The following SUDS3 variants were observed in gnomAD, a reference collection of about 807,000 sequenced individuals.
SUDS3 encodes SIN3A corepressor complex component SDS3, also known as sin3 histone deacetylase corepressor complex component SDS3.
SUDS3 carries 23 observed loss-of-function variants against 53.5 expected under a neutral mutation model. The ratio of observed to expected loss-of-function variants is 0.43; its 90% CI spans 0.31 to 0.61. The LOEUF (loss-of-function observed/expected upper bound fraction) is 0.61, where lower values mean the gene tolerates loss of function less well. SUDS3 is among the 20% of genes least tolerant of loss of function. The pLI, the probability that SUDS3 is intolerant of heterozygous loss-of-function variation, is 0.10. For synonymous variants in SUDS3, 150 were observed against 148.5 expected (o/e 1.01, Z -0.08); for missense variants, 291 against 405.9 (o/e 0.72, Z 2.43).
At chr12:118,396,234 G>T (rs1204387589) in intron 6 of SUDS3, among the ~76,000 whole-genome samples, 1 of 152,096 alleles carries the variant, frequency 6.6e-6, no homozygotes, top group Non-Finnish European at 1.5e-5. Context: ...TCTTTTTAAA[G>T]AAAATTTCCT....
chr12:118,398,010 A>C (rs2046231046), intron 6 of SUDS3, among the ~76,000 whole-genome samples: 1 of 152,122 alleles, frequency 6.6e-6, no homozygotes, highest in East Asian at 1.9e-4. Flanking sequence ...TATTTTCCAA[A>C]TTAGGTGTCA....
intron 6 of SUDS3, among the ~76,000 whole-genome samples, chr12:118,393,010 C>A (rs958482874): frequency 1.3e-5 from 2 of 152,154 alleles, no homozygotes; most frequent in South Asian, 4.1e-4. Context: ...AAATAGATTA[C>A]AGAAGTGTTT....
chr12:118,410,018 C>T lies in SUDS3; in HGVS notation c.804-1055C>T, dbSNP rs118040750. Among the ~76,000 whole-genome samples, 21 of 152,364 alleles carry T rather than the reference C, an allele frequency of 1.4e-4. No individual in the cohort carries two copies. In the East Asian group the frequency reaches 3.7e-3, roughly 27 times the overall value. On this transcript the variant is annotated intron_variant, in intron 10 of 11. Transcript: ENST00000543473. The stretch of plus-strand genomic sequence containing the variant: ...ATTCAAAGCAGCTTTCCCAACTGTC[C>T]AGGCCAAATTAGATACCCTTTGGTA...
chr12:118,400,511 T>C lies in SUDS3; in HGVS notation c.518-148T>C. ...AAACGCTTTCTAAAATCTAATGGGGTGTCTGGCTACGACCATGTGTAGAAC... is the reference window on the plus strand; with the variant it reads ...AAACGCTTTCTAAAATCTAATGGGGCGTCTGGCTACGACCATGTGTAGAAC... On this transcript the variant is annotated intron_variant, in intron 6 of 11. Transcript: ENST00000543473. 1.0e-5 allele frequency: 7 copies of C among 677,982 alleles called. 1 individual carries two copies. The South Asian group carries it at 1.1e-4, about 11-fold the overall frequency. 42.0% of individuals were successfully genotyped at this position (677,982 alleles called of 1,614,324 possible). A position where few individuals can be genotyped will look rare whatever the true frequency, so the allele number is the denominator to read the frequency against.
intron 2 of SUDS3, among the ~76,000 whole-genome samples, chr12:118,382,888 G>A (rs1943020635): frequency 6.6e-6 from 1 of 151,394 alleles, no homozygotes; most frequent in Admixed American, 6.6e-5. Context: ...GGTTGGTCTC[G>A]AACTCCTGAC....
At position 118,391,115 on chromosome 12, in the gene SUDS3, C is replaced by T. The variant is rs756017819; in HGVS notation, c.361-11C>T. 3 of 1,611,992 alleles carry T rather than the reference C, an allele frequency of 1.9e-6. No homozygotes were observed. The highest frequency in any genetic ancestry group is 2.2e-5 in the South Asian group (2 of 90,778). ...CTGTGTACTCCCAGCCCGTGTTTCT[C>T]TTTTGCTCAGACTGAACAAGTGGAA... On this transcript the variant is annotated splice_polypyrimidine_tract_variant and intron_variant, in intron 5 of 11. Transcript: ENST00000543473.
At chr12:118,408,067 A>T (rs1014148680) in intron 10 of SUDS3, among the ~76,000 whole-genome samples, 6 of 151,968 alleles carry the variant, frequency 3.9e-5, no homozygotes, top group Non-Finnish European at 8.8e-5. Context: ...CGCCCAGCTA[A>T]TTTTTGTATT....
intron 5 of SUDS3, among the ~76,000 whole-genome samples, chr12:118,390,836 T>C (rs184453190): frequency 6.6e-6 from 1 of 152,362 alleles, no homozygotes; most frequent in Admixed American, 6.5e-5. Context: ...TGTAACTTTA[T>C]GAGCGATTAT....
chr12:118,378,185 G>A (rs2046019964), intron 1 of SUDS3, among the ~76,000 whole-genome samples: 2 of 152,152 alleles, frequency 1.3e-5, no homozygotes, highest in African/African-American at 2.4e-5. Flanking sequence ...TAAGAACAAT[G>A]TTTAAGATGT....
At chr12:118,404,661 C>T (rs1312766802) in intron 10 of SUDS3, among the ~76,000 whole-genome samples, 1 of 152,128 alleles carries the variant, frequency 6.6e-6, no homozygotes, top group Non-Finnish European at 1.5e-5. Flanking sequence ...TCTATTCATT[C>T]TAAGGCATAG....
At chr12:118,401,523 A>G (rs2046262412) in intron 7 of SUDS3, among the ~76,000 whole-genome samples, 1 of 152,240 alleles carries the variant, frequency 6.6e-6, no homozygotes, top group Non-Finnish European at 1.5e-5. Context: ...GTAGATGCCT[A>G]ATGAAGCTCA....
chr12:118,400,738 G>A lies in SUDS3; in HGVS notation c.597G>A (p.Arg199=), dbSNP rs374953856. The change falls in exon 7 of 12, where the codon AGG becomes AGA. Residue 199 remains arginine, a synonymous_variant. Transcript: ENST00000543473. The part of the protein sequence containing the change: ...PNDPVPIPDK[R]RKPAPAQLNY... ...ATCCCGTCCCCATCCCAGACAAGAGGAGGAAACCTGCTCCAGATATCCATT... is the reference window on the plus strand; with the variant it reads ...ATCCCGTCCCCATCCCAGACAAGAGAAGGAAACCTGCTCCAGATATCCATT... 8 of 1,613,846 alleles carry A rather than the reference G, an allele frequency of 5.0e-6. No individual in the cohort carries two copies. In the African/African-American group the frequency reaches 9.3e-5, roughly 19 times the overall value.
chr12:118,376,888 G>C (rs1002881728), intron 1 of SUDS3, 55 bp downstream of exon 1: 36 of 1,465,964 alleles, frequency 2.5e-5, no homozygotes, highest in Non-Finnish European at 3.2e-5. Context: ...CGCTGGGGGA[G>C]GGGGTGGGGC....
intron 2 of SUDS3, among the ~76,000 whole-genome samples, chr12:118,382,548 G>T (rs1415067847): frequency 6.6e-6 from 1 of 151,816 alleles, no homozygotes; most frequent in African/African-American, 2.4e-5. Flanking sequence ...AAAATTTTTA[G>T]TAGAAACTAG....
At chr12:118,407,724 T>G (rs2046320348) in intron 10 of SUDS3, among the ~76,000 whole-genome samples, 1 of 150,798 alleles carries the variant, frequency 6.6e-6, no homozygotes, top group Admixed American at 6.6e-5. Context: ...TTTTTGGTTT[T>G]TTTTTTTTTT....
chr12:118,390,997 C>G (rs1379385372), intron 5 of SUDS3, 129 bp from the exon 6 acceptor site: 1 of 1,055,542 alleles, frequency 9.5e-7, no homozygotes, highest in Admixed American at 1.8e-5. Flanking sequence ...CTCAGACACA[C>G]TGTTACTGCA....
chr12:118,416,773 G>C lies in SUDS3; in HGVS notation c.*2340G>C, dbSNP rs1341434938. 6.6e-6 allele frequency: 1 copy of C among 152,166 alleles called. No homozygotes were observed. Among genetic ancestry groups the C allele is most frequent in the Non-Finnish European group, 1.5e-5 (1 of 68,042 alleles). The allele number at this position is 152,166 out of a possible 1,614,324, so 9.4% of individuals were successfully genotyped here. A position where few individuals can be genotyped will look rare whatever the true frequency, so the allele number is the denominator to read the frequency against. ...TGGTGGGCAGAAGCCTTACTAAAGG[G>C]GAAGACAGACTTTGAAGTTTCTAGA... On this transcript the variant is annotated 3_prime_UTR_variant, in exon 12 of 12. Coordinates refer to ENST00000543473, the MANE Select transcript of SUDS3 (RefSeq NM_022491.3).
intron 6 of SUDS3, 65 bp downstream of exon 6, chr12:118,391,347 A>G: frequency 6.6e-7 from 1 of 1,521,954 alleles, no homozygotes; most frequent in Non-Finnish European, 8.8e-7. Context: ...GGGCTGTTCC[A>G]GTTACTTTTG....
At chr12:118,397,443 C>T (rs1281367638) in intron 6 of SUDS3, among the ~76,000 whole-genome samples, 1 of 152,118 alleles carries the variant, frequency 6.6e-6, no homozygotes, top group African/African-American at 2.4e-5. Flanking sequence ...AAAAATCCAC[C>T]GTAAAAGCCA....
Sources: gnomAD v4.1 joint callset for allele counts (sites outside exome capture counted in the v4.1 genomes callset) on GRCh38, gnomAD v4.1.1 for gene constraint, MANE v1.5 for transcripts, NCBI Gene and HGNC (gene_info 2026-07-23, HGNC 2026-07-21) for gene names.